Variants in RASA1 observed in about 807,000 individuals in gnomAD.
The protein encoded by RASA1 is RAS p21 protein activator 1, also known as ras GTPase-activating protein 1.
Under a neutral mutation model 132.2 loss-of-function variants are expected in RASA1, and 25 were observed. The ratio of observed to expected loss-of-function variants is 0.19; its 90% CI spans 0.14 to 0.26. RASA1 has a LOEUF of 0.26. Ranked by LOEUF, RASA1 falls within the 10% of genes least tolerant of loss-of-function variation. The pLI is 1.00. For missense variants in RASA1, 964 were observed against 1,299.2 expected (o/e 0.74, Z 3.97); for synonymous variants, 477 against 449.9 (o/e 1.06, Z -0.76).
At chr5:87,293,287 A>T (rs1025415589) in intron 1 of RASA1, among the ~76,000 whole-genome samples, 1 of 151,554 alleles carries the variant, frequency 6.6e-6, no homozygotes, top group Non-Finnish European at 1.5e-5. Flanking sequence ...GTTCCCTTCT[A>T]TTCCTAATTT....
intron 5 of RASA1, among the ~76,000 whole-genome samples, chr5:87,340,161 C>T (rs1185657118): frequency 6.6e-6 from 1 of 152,118 alleles, no homozygotes; most frequent in Non-Finnish European, 1.5e-5. Context: ...TCTTCCTTGA[C>T]ATTCTTGCCC....
At chr5:87,317,749 C>G (rs1248077065) in intron 1 of RASA1, among the ~76,000 whole-genome samples, 1 of 151,894 alleles carries the variant, frequency 6.6e-6, no homozygotes, top group Non-Finnish European at 1.5e-5. Context: ...AATTCTCATG[C>G]CTCAGCCTCC....
chr5:87,349,322 C>T lies in RASA1; in HGVS notation c.1211C>T (p.Thr404Met), dbSNP rs1175378445. The T allele has an allele frequency of 1.2e-5, 20 of 1,611,810 alleles. No individual in the cohort carries two copies. Among genetic ancestry groups the T allele is most frequent in the African/African-American group, 1.3e-5 (1 of 74,764 alleles). Residue 404 changes from threonine to methionine, a missense_variant, in exon 8 of 25, where the codon ACG becomes ATG. Transcript: ENST00000274376. ...ATTCAGCGATTTAAAATATGTCCAA[C>T]GCCAAACAATCAGTTTATGATGGGA... ...ENIQRFKICPTPNNQFMMGGR... is the reference protein window; with the variant it reads ...ENIQRFKICPMPNNQFMMGGR...
chr5:87,366,758 G>A (rs576019165), intron 11 of RASA1, among the ~76,000 whole-genome samples: 1 of 152,316 alleles, frequency 6.6e-6, no homozygotes, highest in South Asian at 2.1e-4. Context: ...AAGACTGGGC[G>A]CAGTGGCTCA....
At chr5:87,373,190 T>A (rs1761072122) in intron 13 of RASA1, among the ~76,000 whole-genome samples, 1 of 152,172 alleles carries the variant, frequency 6.6e-6, no homozygotes, top group Non-Finnish European at 1.5e-5. Context: ...GATTTACATA[T>A]ACTGTCAGCC....
At chr5:87,383,492 A>T (rs1761867249) in intron 20 of RASA1, among the ~76,000 whole-genome samples, 1 of 152,156 alleles carries the variant, frequency 6.6e-6, no homozygotes, top group African/African-American at 2.4e-5. Flanking sequence ...GGGAAAAGTG[A>T]GTAATACATT....
At chr5:87,387,118 C>T (rs1762115780) in intron 23 of RASA1, among the ~76,000 whole-genome samples, 1 of 152,096 alleles carries the variant, frequency 6.6e-6, no homozygotes, top group Non-Finnish European at 1.5e-5. Flanking sequence ...CCAAAGCATA[C>T]ATTATTGTGG....
intron 1 of RASA1, among the ~76,000 whole-genome samples, chr5:87,311,314 T>C (rs1410367707): frequency 1.3e-5 from 2 of 152,130 alleles, no homozygotes; most frequent in African/African-American, 4.8e-5. Context: ...CAAGCAAAAA[T>C]TAGAATTTTG....
intron 9 of RASA1, among the ~76,000 whole-genome samples, chr5:87,355,034 A>G (rs1759548602): frequency 6.6e-6 from 1 of 152,166 alleles, no homozygotes; most frequent in African/African-American, 2.4e-5. Flanking sequence ...CATAAGATTT[A>G]AGGAAAGATG....
At chr5:87,303,186 A>T (rs1023111715) in intron 1 of RASA1, among the ~76,000 whole-genome samples, 2 of 152,050 alleles carry the variant, frequency 1.3e-5, no homozygotes, top group African/African-American at 4.8e-5. Flanking sequence ...CTTCAGTAGG[A>T]CCTGTCTCTT....
rs73156400 is a variant in RASA1 at position 87,375,804 on chromosome 5, A to G, written c.2012-589A>G. ...CTTAGGGAAGGAAGTGATATGTATT[A>G]ACAGATCAAAGCCTGAATATTTCTC... On this transcript the variant is annotated intron_variant, in intron 15 of 24. Coordinates refer to ENST00000274376, the MANE Select transcript of RASA1 (RefSeq NM_002890.3). Among the ~76,000 whole-genome samples, 259 of 152,294 alleles carry G rather than the reference A, an allele frequency of 1.7e-3. 1 individual carries two copies. The Middle Eastern group carries it at 0.017, about 10-fold the overall frequency.
chr5:87,286,874 T>C (rs1754592137), intron 1 of RASA1, among the ~76,000 whole-genome samples: 3 of 150,262 alleles, frequency 2.0e-5, no homozygotes, highest in Non-Finnish European at 1.5e-5. Flanking sequence ...ATACACCATA[T>C]ATATATACAC....
intron 12 of RASA1, among the ~76,000 whole-genome samples, chr5:87,370,491 C>T (rs999737320): frequency 1.3e-5 from 2 of 152,138 alleles, no homozygotes; most frequent in African/African-American, 4.8e-5. Flanking sequence ...GGAGAACCCA[C>T]CTCTATAACA....
chr5:87,356,065 A>G (rs1172503343), intron 9 of RASA1, among the ~76,000 whole-genome samples: 5 of 152,168 alleles, frequency 3.3e-5, no homozygotes, highest in Admixed American at 3.3e-4. Flanking sequence ...AGATCCTGTG[A>G]TCGCTACTGA....
chr5:87,275,117 T>G (rs1207318819), intron 1 of RASA1, among the ~76,000 whole-genome samples: 1 of 152,246 alleles, frequency 6.6e-6, no homozygotes, highest in Non-Finnish European at 1.5e-5. Flanking sequence ...CTGGTTGCTT[T>G]ACTTCTCTCT....
At chr5:87,366,335 T>C (rs527948165) in intron 11 of RASA1, 14 of 403,456 alleles carry the variant, frequency 3.5e-5, no homozygotes, top group South Asian at 2.0e-4. Context: ...TATTTTGATA[T>C]AGTTTATATG....
chr5:87,273,784 G>A (rs1328324686), intron 1 of RASA1, among the ~76,000 whole-genome samples: 1 of 148,720 alleles, frequency 6.7e-6, no homozygotes, highest in Admixed American at 6.8e-5. Context: ...TGCAACCTCC[G>A]CCTCCCGGAT....
intron 9 of RASA1, among the ~76,000 whole-genome samples, chr5:87,360,080 G>T (rs1759958129): frequency 6.6e-6 from 1 of 150,846 alleles, no homozygotes; most frequent in African/African-American, 2.4e-5. Flanking sequence ...CATCACTACT[G>T]GAATCTAGCT....
At chr5:87,346,862 G>A in intron 7 of RASA1, 138 bp downstream of exon 7, 1 of 565,282 alleles carries the variant, frequency 1.8e-6, no homozygotes, top group Non-Finnish European at 3.1e-6. Context: ...GTACTAAGAA[G>A]CTGGTGTTTT....
Sources: gnomAD v4.1 joint callset for allele counts (sites outside exome capture counted in the v4.1 genomes callset) on GRCh38, gnomAD v4.1.1 for gene constraint, MANE v1.5 for transcripts, NCBI Gene and HGNC (gene_info 2026-07-23, HGNC 2026-07-21) for gene names.